The following FBXL7 variants were observed in gnomAD, a reference collection of about 807,000 sequenced individuals.
FBXL7 encodes the protein F-box and leucine rich repeat protein 7, also known as F-box/LRR-repeat protein 7.
Under a neutral mutation model 38.3 loss-of-function variants are expected in FBXL7, and 12 were observed. That is an observed-to-expected ratio of 0.31 (90% CI 0.20 to 0.51). The LOEUF (loss-of-function observed/expected upper bound fraction) is 0.51, where lower values mean the gene tolerates loss of function less well. FBXL7 is among the 20% of genes least tolerant of loss of function. FBXL7 has a pLI of 0.98. For missense variants in FBXL7, 567 were observed against 676.4 expected (o/e 0.84, Z 1.79); for synonymous variants, 297 against 300.9 (o/e 0.99, Z 0.13).
At chr5:15,764,641 CTTATTA>C (rs1736540001) in intron 2 of FBXL7, among the ~76,000 whole-genome samples, 1 of 152,340 alleles carries the variant, frequency 6.6e-6, no homozygotes, top group Non-Finnish European at 1.5e-5. Flanking sequence ...AGCTTTTTCA[CTTATTA>C]AATGCATGGG....
intron 2 of FBXL7, among the ~76,000 whole-genome samples, chr5:15,735,172 A>C (rs1735713744): frequency 6.6e-6 from 1 of 152,216 alleles, no homozygotes; most frequent in African/African-American, 2.4e-5. Flanking sequence ...ACCTCAGGTG[A>C]TCCGCCTGCC....
At chr5:15,604,445 C>G (rs1269420154) in intron 1 of FBXL7, among the ~76,000 whole-genome samples, 3 of 152,032 alleles carry the variant, frequency 2.0e-5, no homozygotes, top group Admixed American at 6.6e-5. Context: ...ACTTCTACCC[C>G]CCGGGTTAAA....
At chr5:15,546,898 G>C (rs573809082) in intron 1 of FBXL7, among the ~76,000 whole-genome samples, 4 of 152,252 alleles carry the variant, frequency 2.6e-5, no homozygotes, top group East Asian at 3.9e-4. Flanking sequence ...GTGCATAGAG[G>C]CCTGTGGTGT....
intron 1 of FBXL7, among the ~76,000 whole-genome samples, chr5:15,604,028 CAGG>C (rs1038114514): frequency 3.3e-5 from 5 of 152,128 alleles, no homozygotes; most frequent in African/African-American, 1.2e-4. Context: ...CCCAGCTTCT[CAGG>C]AGGATGAGGC....
intron 2 of FBXL7, among the ~76,000 whole-genome samples, chr5:15,714,077 T>C (rs1417060874): frequency 3.3e-5 from 5 of 152,218 alleles, no homozygotes; most frequent in Admixed American, 3.3e-4. Context: ...GAGAATATTC[T>C]GGATTGTTTG....
intron 2 of FBXL7, among the ~76,000 whole-genome samples, chr5:15,918,115 T>C (rs1006096039): frequency 2.0e-5 from 3 of 152,040 alleles, no homozygotes; most frequent in African/African-American, 7.2e-5. Context: ...GGTGTGCGCC[T>C]ATAATCCCAG....
chr5:15,551,784 A>G (rs1402741998), intron 1 of FBXL7, among the ~76,000 whole-genome samples: 1 of 152,198 alleles, frequency 6.6e-6, no homozygotes, highest in Non-Finnish European at 1.5e-5. Context: ...GTGTGGATAC[A>G]GTGCTTTTGA....
chr5:15,500,482 G>C lies in FBXL7; in HGVS notation c.-195G>C. 1 of 698,882 alleles carries C rather than the reference G, an allele frequency of 1.4e-6. No homozygotes were observed. The allele number at this position is 698,882 out of a possible 1,614,324, so 43.3% of individuals were successfully genotyped here. A position where few individuals can be genotyped will look rare whatever the true frequency, so the allele number is the denominator to read the frequency against. On this transcript the variant is annotated 5_prime_UTR_variant, in exon 1 of 4. Coordinates refer to ENST00000504595, the MANE Select transcript of FBXL7 (RefSeq NM_012304.5). ...TGCCCGGCCCCGCCTGGAGCCACCG[G>C]GGGTGCCAGGAGGGGACGCAGCACC...
chr5:15,925,829 C>T (rs1375409564), intron 2 of FBXL7, among the ~76,000 whole-genome samples: 4 of 152,146 alleles, frequency 2.6e-5, no homozygotes, highest in African/African-American at 9.7e-5. Flanking sequence ...GGCTTAAATA[C>T]AATTTTCAGA....
chr5:15,571,476 T>G (rs1042540891), intron 1 of FBXL7, among the ~76,000 whole-genome samples: 2 of 152,180 alleles, frequency 1.3e-5, no homozygotes, highest in Non-Finnish European at 1.5e-5. Flanking sequence ...TTAGAGAAAG[T>G]GATTTGAACC....
At chr5:15,577,471 C>T (rs995516086) in intron 1 of FBXL7, among the ~76,000 whole-genome samples, 3 of 152,130 alleles carry the variant, frequency 2.0e-5, no homozygotes, top group Non-Finnish European at 2.9e-5. Context: ...ATTGCATCAT[C>T]GTTCGTTGCA....
intron 2 of FBXL7, among the ~76,000 whole-genome samples, chr5:15,758,355 G>T (rs949782846): frequency 2.0e-5 from 3 of 151,594 alleles, no homozygotes; most frequent in Non-Finnish European, 4.4e-5. Context: ...ACATGTGCAG[G>T]TTTGGTATAT....
intron 1 of FBXL7, among the ~76,000 whole-genome samples, chr5:15,509,209 G>A (rs933018326): frequency 9.9e-5 from 15 of 152,184 alleles, no homozygotes; most frequent in Non-Finnish European, 2.2e-4. Context: ...GGGCAGAGTG[G>A]CAGTTCTTCC....
At chr5:15,833,038 A>C (rs370105430) in intron 2 of FBXL7, among the ~76,000 whole-genome samples, 28 of 152,272 alleles carry the variant, frequency 1.8e-4, no homozygotes, top group African/African-American at 6.0e-4. Flanking sequence ...CCCTCATATG[A>C]GACATGGCTT....
At chr5:15,706,828 G>A (rs1743693035) in intron 2 of FBXL7, among the ~76,000 whole-genome samples, 1 of 152,126 alleles carries the variant, frequency 6.6e-6, no homozygotes. Context: ...AGACAAATCT[G>A]GGGTGGAGAA....
intron 2 of FBXL7, among the ~76,000 whole-genome samples, chr5:15,865,224 C>T (rs1037801905): frequency 1.7e-4 from 26 of 152,126 alleles, no homozygotes; most frequent in Non-Finnish European, 3.7e-4. Flanking sequence ...AGAGGAGTAA[C>T]GCCCTGACTG....
intron 2 of FBXL7, among the ~76,000 whole-genome samples, chr5:15,902,398 A>G (rs1273844768): frequency 6.6e-6 from 1 of 152,228 alleles, no homozygotes; most frequent in African/African-American, 2.4e-5. Context: ...TTCAGCCAGC[A>G]TCTTTTTGCC....
chr5:15,686,731 A>G (rs1191477898), intron 2 of FBXL7, among the ~76,000 whole-genome samples: 1 of 152,230 alleles, frequency 6.6e-6, no homozygotes, highest in Non-Finnish European at 1.5e-5. Context: ...ATCTTTAGTT[A>G]CTAGATTTTT....
chr5:15,595,303 A>T (rs1011298950), intron 1 of FBXL7, among the ~76,000 whole-genome samples: 7 of 152,178 alleles, frequency 4.6e-5, no homozygotes, highest in Non-Finnish European at 8.8e-5. Context: ...GAGGAGTTGA[A>T]AATGGATCGG....
Sources: allele counts gnomAD v4.1 joint callset (sites outside exome capture counted in the v4.1 genomes callset), GRCh38; gene constraint gnomAD v4.1.1; transcripts MANE v1.5; gene names NCBI Gene and HGNC (gene_info 2026-07-23, HGNC 2026-07-21).